UBXN4: variants seen among roughly 807,000 people sequenced by gnomAD.
UBXN4 encodes UBX domain-containing protein 4.
In UBXN4, 35 loss-of-function variants were observed where a neutral mutation model predicts 66.2. That is an observed-to-expected ratio of 0.53 (90% CI 0.40 to 0.70). The LOEUF is 0.70. UBXN4 is among the 30% of genes least tolerant of loss of function. The probability of loss-of-function intolerance (pLI) is 0.00; values close to 1 mark genes in which losing one functional copy is unlikely to be tolerated. For missense variants in UBXN4, 533 were observed against 599.8 expected, an observed-to-expected ratio of 0.89 and a Z score of 1.16; for synonymous variants, 203 against 204.5, an observed-to-expected ratio of 0.99 and a Z score of 0.06.
intron 3 of UBXN4, chr2:135,753,865 G>A (rs1013331617): frequency 4.4e-6 from 2 of 451,608 alleles, no homozygotes; most frequent in Admixed American, 8.2e-5. Context: ...AGATCAGTTG[G>A]GTTGGAATGT....
intron 10 of UBXN4, 22 bp from the exon 11 acceptor site, chr2:135,778,926 G>A (rs200395276): frequency 8.5e-5 from 135 of 1,587,876 alleles, no homozygotes; most frequent in Admixed American, 2.9e-4. Context: ...CACTCTTTAA[G>A]TTTTTAAAAC....
At position 135,769,774 on chromosome 2, in the gene UBXN4, C is replaced by CA; in HGVS notation, c.615dup (p.Leu206ThrfsTer2). On this transcript the variant is annotated frameshift_variant, in exon 7 of 13. Transcript: ENST00000272638. LOFTEE classifies it high-confidence loss of function. ...TTTTTTTTTTTTTAATACAGACTAA[C>CA]AAAAAAACTTGAAGAAAGGAGAGAA... The CA allele has an allele frequency of 2.0e-6, 3 of 1,533,950 alleles. No homozygotes were observed. The highest frequency in any genetic ancestry group is 1.2e-5 in the South Asian group (1 of 82,716).
chr2:135,751,167 T>A (rs1028508743), intron 2 of UBXN4, among the ~76,000 whole-genome samples: 2 of 146,490 alleles, frequency 1.4e-5, no homozygotes, highest in Non-Finnish European at 3.0e-5. Context: ...CTGGCATTTT[T>A]AAAAATAAAT....
In UBXN4 at chr2:135,769,625, A is replaced by C. The variant is rs1038567631; in HGVS notation, c.603-144A>C. On this transcript the variant is annotated intron_variant, in intron 6 of 12. Coordinates refer to ENST00000272638, the MANE Select transcript of UBXN4 (RefSeq NM_014607.4). ...CTCCAGGATTTCTGTAGGGGCCTGA[A>C]GCCAGGCAGATAAATAGTTGCTTGC... 5.4e-6 allele frequency: 3 copies of C among 558,274 alleles called. No individual in the cohort carries two copies. In the African/African-American group the frequency reaches 5.9e-5, roughly 11 times the overall value. The allele number at this position is 558,274 out of a possible 1,614,324, so 34.6% of individuals were successfully genotyped here.
chr2:135,770,678 CAGAG>C lies in UBXN4; in HGVS notation c.769_772del (p.Glu257LysfsTer11). 1 of 1,577,950 alleles carries C rather than the reference CAGAG, an allele frequency of 6.3e-7. No homozygotes were observed. Among genetic ancestry groups the C allele is most frequent in the Non-Finnish European group, 8.5e-7 (1 of 1,169,672 alleles). On this transcript the variant is annotated frameshift_variant, in exon 8 of 13. Transcript: ENST00000272638. LOFTEE classifies it high-confidence loss of function. ...CAAAAAGAATGCTGGAGGAAAGAAACAGAGAGAAAGCAGAAGATAGGGCAGCTCG... is the reference window on the plus strand; with the variant it reads ...CAAAAAGAATGCTGGAGGAAAGAAACAGAAAGCAGAAGATAGGGCAGCTCG...
chr2:135,782,279 C>T (rs971993618), intron 12 of UBXN4, among the ~76,000 whole-genome samples: 10 of 152,116 alleles, frequency 6.6e-5, no homozygotes, highest in Non-Finnish European at 2.9e-5. Flanking sequence ...AATAGGAAGT[C>T]CTCTTCATTC....
intron 12 of UBXN4, 116 bp from the exon 13 acceptor site, chr2:135,782,633 A>C: frequency 1.6e-6 from 2 of 1,235,544 alleles, no homozygotes; most frequent in Non-Finnish European, 2.3e-6. Context: ...TCCTTACTTT[A>C]GATGGCATTA....
chr2:135,762,821 T>G (rs2077323566), intron 6 of UBXN4, among the ~76,000 whole-genome samples: 2 of 152,190 alleles, frequency 1.3e-5, no homozygotes, highest in South Asian at 4.1e-4. Context: ...CTGTTTTGCT[T>G]CTTTCTGATT....
chr2:135,774,802 G>A (rs1020324071), intron 9 of UBXN4, among the ~76,000 whole-genome samples: 8 of 150,686 alleles, frequency 5.3e-5, no homozygotes, highest in South Asian at 2.1e-4. Flanking sequence ...CCGAGATTGC[G>A]CCACTGCACT....
intron 6 of UBXN4, among the ~76,000 whole-genome samples, chr2:135,763,234 T>C (rs1404587317): frequency 2.0e-5 from 3 of 152,212 alleles, no homozygotes. Context: ...ATTTATACCC[T>C]AAGAGTTGCC....
At chr2:135,755,094 C>G (rs916942231) in intron 4 of UBXN4, among the ~76,000 whole-genome samples, 5 of 152,172 alleles carry the variant, frequency 3.3e-5, no homozygotes, top group African/African-American at 1.2e-4. Context: ...ATCTTTTACC[C>G]CAGTCTCAAC....
At chr2:135,752,172 C>G (rs1162227060) in intron 2 of UBXN4, among the ~76,000 whole-genome samples, 1 of 152,030 alleles carries the variant, frequency 6.6e-6, no homozygotes, top group Non-Finnish European at 1.5e-5. Flanking sequence ...GTCAGCCTCC[C>G]GAGTAGCTGG....
chr2:135,745,875 C>CTTTTTTTTTTTTTTTTT lies in UBXN4; in HGVS notation c.83-2387_83-2371dup, dbSNP rs59946844. On this transcript the variant is annotated intron_variant, in intron 1 of 12. Transcript: ENST00000272638. ...TGTGGATGCATTCTAGTCCCGTTTA[C>CTTTTTTTTTTTTTTTTT]TTTTTTTTTTTTTTTTTTTTTGAGA... Among the ~76,000 whole-genome samples the CTTTTTTTTTTTTTTTTT allele has an allele frequency of 1.4e-3, 106 of 74,406 alleles. 24 individuals carry two copies. The highest frequency in any genetic ancestry group is 0.018 in the Middle Eastern group (1 of 56). 48.8% of individuals were successfully genotyped at this position (74,406 alleles called of 152,430 possible). A position where few individuals can be genotyped will look rare whatever the true frequency, so the allele number is the denominator to read the frequency against.
Position 135,782,815 on chromosome 2 carries a change from T to C in UBXN4, c.1455T>C (p.Tyr485=). 6.2e-7 allele frequency: 1 copy of C among 1,613,968 alleles called. No individual in the cohort carries two copies. Among genetic ancestry groups the C allele is most frequent in the Non-Finnish European group, 8.5e-7 (1 of 1,179,888 alleles). Reference sequence around the variant, plus strand: ...ACTTTAAAAAGGAGGGGAAAATTTATAGATTAAGGACTCAAGATGATGGTG... The same window carrying C: ...ACTTTAAAAAGGAGGGGAAAATTTACAGATTAAGGACTCAAGATGATGGTG... ...GDDFKKEGKI[Y]RLRTQDDGED... is the part of the protein sequence containing the mutation. Residue 485 remains tyrosine (Y), a synonymous_variant, in exon 13 of 13, where the codon TAT becomes TAC. Transcript: ENST00000272638.
intron 5 of UBXN4, among the ~76,000 whole-genome samples, chr2:135,756,370 A>C (rs1307874393): frequency 6.6e-6 from 1 of 152,168 alleles, no homozygotes; most frequent in Non-Finnish European, 1.5e-5. Context: ...TGGGAAGCTC[A>C]TTACCTTGCT....
chr2:135,748,751 C>T (rs1034234634), intron 2 of UBXN4, among the ~76,000 whole-genome samples: 1 of 150,624 alleles, frequency 6.6e-6, no homozygotes, highest in African/African-American at 2.4e-5. Context: ...GAATATAGGC[C>T]AGGCACAGTG....
chr2:135,746,485 A>G (rs1169163485), intron 1 of UBXN4, among the ~76,000 whole-genome samples: 1 of 152,228 alleles, frequency 6.6e-6, no homozygotes, highest in Non-Finnish European at 1.5e-5. Context: ...CAGAAAAACA[A>G]CAGGAGATAA....
At chr2:135,747,120 G>A (rs2105490779) in intron 1 of UBXN4, among the ~76,000 whole-genome samples, 1 of 152,146 alleles carries the variant, frequency 6.6e-6, no homozygotes, top group African/African-American at 2.4e-5. Flanking sequence ...ACGAATAACT[G>A]CAATGAGGAA....
chr2:135,772,362 T>C, intron 8 of UBXN4, 58 bp from the exon 9 acceptor site: 2 of 1,578,376 alleles, frequency 1.3e-6, no homozygotes, highest in Non-Finnish European at 1.7e-6. Context: ...TTGTTTGGAA[T>C]TGTGTGAATT....
Sources: allele counts gnomAD v4.1 joint callset (sites outside exome capture counted in the v4.1 genomes callset), GRCh38; gene constraint gnomAD v4.1.1; transcripts MANE v1.5; gene names NCBI Gene and HGNC (gene_info 2026-07-23, HGNC 2026-07-21).